FHIP1A: variants seen among roughly 807,000 people sequenced by gnomAD.
FHIP1A encodes the protein FHF complex subunit HOOK-interacting protein 1A.
A neutral mutation model predicts 88.6 loss-of-function variants in FHIP1A; 61 were observed. The observed-to-expected ratio is 0.69, with a 90% CI of 0.56 to 0.85. The LOEUF (loss-of-function observed/expected upper bound fraction) is 0.85. Among genes scored for constraint, FHIP1A ranks in the 40% least tolerant of loss-of-function variants. The pLI is 0.00. For missense variants in FHIP1A, 1,154 were observed against 1,273.5 expected (o/e 0.91, Z 1.43); for synonymous variants, 478 against 496.0 (o/e 0.96, Z 0.48).
At chr4:151,640,496 C>T (rs1277269628) in intron 9 of FHIP1A, among the ~76,000 whole-genome samples, 3 of 152,164 alleles carry the variant, frequency 2.0e-5, no homozygotes, top group Non-Finnish European at 4.4e-5. Context: ...CTCATCAAGC[C>T]TCTACTGATA....
At position 151,502,157 on chromosome 4, in the gene FHIP1A, GAAAAAA is replaced by G. The variant is rs370065238; in HGVS notation, c.-123+19520_-123+19525del. ...ATAGGGAGAATCTGTCTCTACAAAA[GAAAAAA>G]AAAAAAAAAAGAAAAGAAAAAATTA... is the stretch of plus-strand genomic sequence containing the variant. On this transcript the variant is annotated intron_variant, in intron 3 of 13. Coordinates refer to ENST00000435205, the MANE Select transcript of FHIP1A (RefSeq NM_001109977.3). Among the ~76,000 whole-genome samples the G allele has an allele frequency of 4.1e-3, 463 of 114,178 alleles. 2 individuals are homozygous for G. The highest frequency in any genetic ancestry group is 0.014 in the African/African-American group (432 of 31,018). 74.9% of individuals were successfully genotyped at this position (114,178 alleles called of 152,430 possible).
At chr4:151,460,422 C>G (rs1394847787) in intron 2 of FHIP1A, among the ~76,000 whole-genome samples, 3 of 151,738 alleles carry the variant, frequency 2.0e-5, no homozygotes, top group African/African-American at 7.3e-5. Flanking sequence ...TGTGTTTCTG[C>G]TGTTGTACCT....
chr4:151,459,431 A>T (rs543162344), intron 2 of FHIP1A, among the ~76,000 whole-genome samples: 2 of 152,248 alleles, frequency 1.3e-5, no homozygotes, highest in African/African-American at 4.8e-5. Flanking sequence ...GGGTCTAGGG[A>T]ATCCCTTCTG....
chr4:151,527,300 T>A (rs1731709584), intron 3 of FHIP1A, among the ~76,000 whole-genome samples: 1 of 152,164 alleles, frequency 6.6e-6, no homozygotes, highest in South Asian at 2.1e-4. Flanking sequence ...GGCTGGCAGA[T>A]CACTCGCGGT....
chr4:151,539,470 G>A (rs758858355), intron 3 of FHIP1A, among the ~76,000 whole-genome samples: 2 of 151,498 alleles, frequency 1.3e-5, no homozygotes, highest in African/African-American at 4.9e-5. Context: ...AGGCTGGGGC[G>A]GGAGAATAGC....
intron 1 of FHIP1A, among the ~76,000 whole-genome samples, chr4:151,410,497 T>G (rs1441852209): frequency 6.6e-6 from 1 of 152,246 alleles, no homozygotes; most frequent in Non-Finnish European, 1.5e-5. Context: ...TGAAATTATA[T>G]AGGTCATTGA....
chr4:151,598,490 G>C (rs527860345), intron 7 of FHIP1A, among the ~76,000 whole-genome samples: 2 of 152,210 alleles, frequency 1.3e-5, no homozygotes, highest in South Asian at 4.2e-4. Flanking sequence ...TATCTTGCCA[G>C]CCACCTCTAG....
At chr4:151,602,177 G>A (rs1040929600) in intron 7 of FHIP1A, among the ~76,000 whole-genome samples, 4 of 152,146 alleles carry the variant, frequency 2.6e-5, no homozygotes, top group African/African-American at 9.7e-5. Flanking sequence ...GCTGTACAAT[G>A]AGGATAGTAG....
intron 9 of FHIP1A, among the ~76,000 whole-genome samples, chr4:151,642,080 G>A (rs1487775893): frequency 6.6e-6 from 1 of 152,186 alleles, no homozygotes; most frequent in African/African-American, 2.4e-5. Context: ...AGAAAAGTAA[G>A]TTGAAATAAG....
Position 151,567,827 on chromosome 4 carries a change from A to G in FHIP1A, c.105+1463A>G, listed in dbSNP as rs189009166. The stretch of plus-strand genomic sequence containing the variant: ...TTAAAAAATCTATTAGTGCATAATC[A>G]TATGTTTTTAACTGAGAACATTTTC... On this transcript the variant is annotated intron_variant, in intron 4 of 13. Coordinates refer to ENST00000435205, the MANE Select transcript of FHIP1A (RefSeq NM_001109977.3). 7.1e-4 allele frequency among the ~76,000 whole-genome samples: 108 copies of G among 152,276 alleles called. 1 individual carries two copies. Among genetic ancestry groups the G allele is most frequent in the African/African-American group, 2.4e-3 (100 of 41,574 alleles).
intron 7 of FHIP1A, among the ~76,000 whole-genome samples, chr4:151,596,059 C>T (rs552922224): frequency 1.3e-5 from 2 of 152,242 alleles, no homozygotes; most frequent in East Asian, 1.9e-4. Flanking sequence ...GAATTTGATC[C>T]TGTCATTATG....
intron 7 of FHIP1A, among the ~76,000 whole-genome samples, chr4:151,612,670 C>A (rs1175948334): frequency 2.6e-5 from 4 of 152,226 alleles, no homozygotes; most frequent in African/African-American, 9.6e-5. Context: ...GCGTGAGCCA[C>A]CGCACTCAGT....
chr4:151,620,847 A>T (rs1458120473), intron 7 of FHIP1A, among the ~76,000 whole-genome samples: 1 of 150,536 alleles, frequency 6.6e-6, no homozygotes, highest in Non-Finnish European at 1.5e-5. Flanking sequence ...GAAAAGATAG[A>T]AAGGGTCCCA....
chr4:151,429,456 T>A (rs1159849459), intron 1 of FHIP1A, among the ~76,000 whole-genome samples: 3 of 152,212 alleles, frequency 2.0e-5, no homozygotes, highest in Non-Finnish European at 4.4e-5. Context: ...CCTCCTTATT[T>A]CATAGCTGCT....
At chr4:151,626,573 C>CA (rs1560807110) in intron 7 of FHIP1A, among the ~76,000 whole-genome samples, 3 of 152,126 alleles carry the variant, frequency 2.0e-5, no homozygotes, top group Non-Finnish European at 4.4e-5. Context: ...TTGTGGCCCA[C>CA]CTTTAGTATG....
At chr4:151,493,175 A>G (rs1020423317) in intron 3 of FHIP1A, among the ~76,000 whole-genome samples, 3 of 152,182 alleles carry the variant, frequency 2.0e-5, no homozygotes, top group African/African-American at 7.2e-5. Flanking sequence ...AATACAAGAG[A>G]TTATTCAAGG....
intron 1 of FHIP1A, among the ~76,000 whole-genome samples, chr4:151,439,926 GTC>G (rs772965548): frequency 7.9e-5 from 12 of 152,014 alleles, no homozygotes; most frequent in Non-Finnish European, 1.3e-4. Flanking sequence ...TACGTTTATT[GTC>G]TCTATCTCCA....
chr4:151,527,519 A>G (rs2126706749), intron 3 of FHIP1A, among the ~76,000 whole-genome samples: 1 of 152,108 alleles, frequency 6.6e-6, no homozygotes, highest in South Asian at 2.1e-4. Flanking sequence ...CCGTTTAAAG[A>G]GAGGGAGAGG....
At chr4:151,519,236 C>A (rs906639560) in intron 3 of FHIP1A, among the ~76,000 whole-genome samples, 1 of 152,152 alleles carries the variant, frequency 6.6e-6, no homozygotes, top group Admixed American at 6.5e-5. Context: ...CCTTCCCAGT[C>A]AATCCCTACC....
Sources: gnomAD v4.1 joint callset for allele counts (sites outside exome capture counted in the v4.1 genomes callset) on GRCh38, gnomAD v4.1.1 for gene constraint, MANE v1.5 for transcripts, NCBI Gene and HGNC (gene_info 2026-07-23, HGNC 2026-07-21) for gene names.